ATP2C2: variants seen among roughly 807,000 people sequenced by gnomAD.
ATP2C2 encodes the protein ATPase secretory pathway Ca2+ transporting 2, also known as calcium-transporting ATPase type 2C member 2.
ATP2C2 carries 171 observed loss-of-function variants against 110.8 expected under a neutral mutation model. The observed-to-expected ratio is 1.54, with a 90% CI of 1.36 to 1.75. The LOEUF is 1.75. Among genes scored for constraint, ATP2C2 ranks in the 40% most tolerant of loss-of-function variants. The probability of loss-of-function intolerance (pLI) is 0.00; values close to 1 mark genes in which losing one functional copy is unlikely to be tolerated. For missense variants in ATP2C2, 1,963 were observed against 1,235.0 expected (o/e 1.59, Z -8.84); for synonymous variants, 804 against 508.4 (o/e 1.58, Z -7.82).
At chr16:84,448,389 T>C (rs247891) in intron 16 of ATP2C2, 144 bp from the exon 17 acceptor site, 1,004,161 of 1,046,120 alleles carry the variant, frequency 0.96, 482,684 homozygotes, top group Non-Finnish European at 0.97. Context: ...GTCCAGCACC[T>C]GTGAACAGCA....
intron 1 of ATP2C2, among the ~76,000 whole-genome samples, chr16:84,394,002 C>CAAA (rs202138049): frequency 6.0e-5 from 7 of 117,506 alleles, no homozygotes; most frequent in African/African-American, 2.0e-4. Flanking sequence ...TTAAAAATAC[C>CAAA]AAAAAAAATA....
At chr16:84,409,367 T>A (rs1245646749) in intron 4 of ATP2C2, among the ~76,000 whole-genome samples, 1 of 152,082 alleles carries the variant, frequency 6.6e-6, no homozygotes, top group South Asian at 2.1e-4. Flanking sequence ...AGTTGATGGG[T>A]GCAGCAAACC....
intron 26 of ATP2C2, 128 bp downstream of exon 26, chr16:84,462,257 T>C: frequency 7.9e-7 from 1 of 1,258,850 alleles, no homozygotes; most frequent in East Asian, 2.4e-5. Flanking sequence ...GGGCCGGCTC[T>C]GTCTTCAGGG....
Position 84,442,566 on chromosome 16 carries a change from C to T in ATP2C2, c.1368C>T (p.Pro456=), listed in dbSNP as rs1195171688. 16 of 1,614,002 alleles carry T rather than the reference C, an allele frequency of 9.9e-6. No homozygotes were observed. Among genetic ancestry groups the T allele is most frequent in the Non-Finnish European group, 1.4e-5 (16 of 1,179,996 alleles). ...GAAAGAACGCCGTGATGGGGCAGCC[C>T]ACCGAGGGTGCATTGATGGCCCTGG... The part of the protein sequence containing the change: ...VIRKNAVMGQ[P]TEGALMALAM... Residue 456 remains proline (P), a synonymous_variant, in exon 15 of 27, where the codon CCC becomes CCT. Coordinates refer to ENST00000262429, the MANE Select transcript of ATP2C2 (RefSeq NM_014861.4).
chr16:84,403,575 T>C (rs1905488351), intron 2 of ATP2C2, among the ~76,000 whole-genome samples: 1 of 152,230 alleles, frequency 6.6e-6, no homozygotes, highest in African/African-American at 2.4e-5. Context: ...CCTGAAGTTT[T>C]GGGATTACAG....
chr16:84,411,717 C>A (rs903311169), intron 6 of ATP2C2, among the ~76,000 whole-genome samples: 3 of 152,180 alleles, frequency 2.0e-5, no homozygotes, highest in Non-Finnish European at 4.4e-5. Context: ...AGTGGGATTA[C>A]AGGTGTGAGC....
At chr16:84,422,812 A>C (rs1360891374) in intron 9 of ATP2C2, 115 bp downstream of exon 9, 1 of 1,125,364 alleles carries the variant, frequency 8.9e-7, no homozygotes. Context: ...GGTTCATATG[A>C]GTATACTTTT....
At position 84,462,130 on chromosome 16, in the gene ATP2C2, G is replaced by C. The variant is rs768635551; in HGVS notation, c.2722+1G>C. Reference sequence around the variant, plus strand: ...CAGACGGAGAACCTGGGAGCGCTTGGTGAGTGGTGGGGACGGGAACGACAG... The same window carrying C: ...CAGACGGAGAACCTGGGAGCGCTTGCTGAGTGGTGGGGACGGGAACGACAG... On this transcript the variant is annotated splice_donor_variant, in intron 26 of 26. Coordinates refer to ENST00000262429, the MANE Select transcript of ATP2C2 (RefSeq NM_014861.4). LOFTEE classifies it high-confidence loss of function. 1 of 1,612,500 alleles carries C rather than the reference G, an allele frequency of 6.2e-7. No individual in the cohort carries two copies. The highest frequency in any genetic ancestry group is 1.3e-5 in the African/African-American group (1 of 74,902).
At chr16:84,440,578 C>G (rs1909153938) in intron 13 of ATP2C2, among the ~76,000 whole-genome samples, 2 of 152,242 alleles carry the variant, frequency 1.3e-5, no homozygotes, top group Admixed American at 6.5e-5. Context: ...TAGAAGCACT[C>G]TTCTATGCTA....
chr16:84,411,383 A>T (rs568486960), intron 6 of ATP2C2, among the ~76,000 whole-genome samples: 20 of 152,322 alleles, frequency 1.3e-4, no homozygotes, highest in African/African-American at 4.8e-4. Context: ...GTGTGATAGA[A>T]CTTGCAGGAA....
intron 4 of ATP2C2, 124 bp downstream of exon 4, chr16:84,408,618 G>T (rs1013491549): frequency 5.6e-6 from 4 of 711,860 alleles, no homozygotes; most frequent in African/African-American, 3.6e-5. Context: ...GCATACAGAA[G>T]AAAGAAAGGA....
intron 2 of ATP2C2, among the ~76,000 whole-genome samples, chr16:84,401,285 G>T (rs184636937): frequency 1.3e-5 from 2 of 148,426 alleles, no homozygotes; most frequent in Non-Finnish European, 3.0e-5. Flanking sequence ...GTGCGGTGGC[G>T]CTATCTCAGC....
chr16:84,399,428 C>G (rs922450), intron 2 of ATP2C2, among the ~76,000 whole-genome samples: 1 of 151,976 alleles, frequency 6.6e-6, no homozygotes, highest in African/African-American at 2.4e-5. Flanking sequence ...CTGTTCTCCC[C>G]GTTTCCTCTA....
At chr16:84,372,123 G>A (rs1041633420) in intron 1 of ATP2C2, among the ~76,000 whole-genome samples, 2 of 152,288 alleles carry the variant, frequency 1.3e-5, no homozygotes, top group East Asian at 3.9e-4. Context: ...AGGGTCGTAC[G>A]GAGCCTTGTC....
chr16:84,413,295 G>A (rs565392116), intron 6 of ATP2C2, among the ~76,000 whole-genome samples: 1 of 152,240 alleles, frequency 6.6e-6, no homozygotes, highest in South Asian at 2.1e-4. Context: ...GGCTAGGGTA[G>A]AAAGCCGTAG....
intron 9 of ATP2C2, 112 bp downstream of exon 9, chr16:84,422,809 A>G (rs549964766): frequency 1.8e-6 from 2 of 1,140,906 alleles, no homozygotes; most frequent in East Asian, 2.4e-5. Context: ...TGTGGTTCAT[A>G]TGAGTATACT....
rs112348333 is a variant in ATP2C2, at chr16:84,378,407, A to C, written c.99+9693A>C. The stretch of plus-strand genomic sequence containing the variant: ...TGTGAAAGTGGAGGTGTTGGGTGCA[A>C]GAATGGAGGGCAGCATTGGATTCCC... On this transcript the variant is annotated intron_variant, in intron 1 of 26. Coordinates refer to ENST00000262429, the MANE Select transcript of ATP2C2 (RefSeq NM_014861.4). 2.1e-3 allele frequency among the ~76,000 whole-genome samples: 313 copies of C among 152,286 alleles called. 1 individual carries two copies. Among genetic ancestry groups the C allele is most frequent in the Non-Finnish European group, 3.6e-3 (243 of 68,008 alleles).
At chr16:84,444,395 C>G (rs571503589) in intron 15 of ATP2C2, among the ~76,000 whole-genome samples, 1 of 151,842 alleles carries the variant, frequency 6.6e-6, no homozygotes, top group South Asian at 2.1e-4. Context: ...ATTGCTTGAA[C>G]CCAGGAGGCG....
Position 84,461,859 on chromosome 16 carries a change from T to G in ATP2C2, c.2580+47T>G, listed in dbSNP as rs772951867. 22 of 1,607,152 alleles carry G rather than the reference T, an allele frequency of 1.4e-5. No individual in the cohort carries two copies. In the East Asian group the frequency reaches 4.9e-4, roughly 36 times the overall value. ...CTCGCTGCAGAGCTGCTGTGTGTTC[T>G]CGACAGCAGCGCCCCGACCCTGCCC... On this transcript the variant is annotated intron_variant, in intron 25 of 26. Transcript: ENST00000262429.
Sources: allele counts gnomAD v4.1 joint callset (sites outside exome capture counted in the v4.1 genomes callset), GRCh38; gene constraint gnomAD v4.1.1; transcripts MANE v1.5; gene names NCBI Gene and HGNC (gene_info 2026-07-23, HGNC 2026-07-21).